The following UNC45B variants were observed in gnomAD, a reference collection of about 807,000 sequenced individuals.
UNC45B encodes unc-45 myosin chaperone B, also known as protein unc-45 homolog B.
In UNC45B, 78 loss-of-function variants were observed where a neutral mutation model predicts 98.7. That is an observed-to-expected ratio of 0.79 (90% confidence interval 0.66 to 0.95). UNC45B has a LOEUF of 0.95. Ranked by LOEUF, UNC45B falls within the 40% of genes least tolerant of loss-of-function variation. The pLI is 0.00. For synonymous variants in UNC45B, 462 were observed against 480.4 expected (o/e 0.96, Z 0.50); for missense variants, 1,225 against 1,184.9 (o/e 1.03, Z -0.50).
At chr17:35,185,050 G>T (rs986084887) in intron 19 of UNC45B, among the ~76,000 whole-genome samples, 8 of 152,188 alleles carry the variant, frequency 5.3e-5, no homozygotes. Flanking sequence ...ACACTTCAGC[G>T]TAGAAACTTT....
chr17:35,155,294 A>C lies in UNC45B; in HGVS notation c.640-2A>C. On this transcript the variant is annotated splice_acceptor_variant, in intron 6 of 19. Coordinates refer to ENST00000394570, the MANE Select transcript of UNC45B (RefSeq NM_001267052.2). LOFTEE classifies it high-confidence loss of function. ...TGACCATGGTTCTTGCTGGGGTTCT[A>C]GGCCACAGTGATTCTGCATGCAGTG... 4 of 1,613,672 alleles carry C rather than the reference A, an allele frequency of 2.5e-6. No individual in the cohort carries two copies. The highest frequency in any genetic ancestry group is 3.4e-6 in the Non-Finnish European group (4 of 1,179,804).
intron 16 of UNC45B, among the ~76,000 whole-genome samples, 160 bp from the exon 17 acceptor site, chr17:35,177,335 T>C (rs2092241807): frequency 6.6e-6 from 1 of 152,144 alleles, no homozygotes. Flanking sequence ...TTATCCTATC[T>C]ATAAAGAAAA....
At chr17:35,170,903 C>T (rs2092180533) in intron 12 of UNC45B, among the ~76,000 whole-genome samples, 1 of 152,096 alleles carries the variant, frequency 6.6e-6, no homozygotes, top group South Asian at 2.1e-4. Context: ...CTCCCAGGCC[C>T]CCCCAGACTC....
intron 4 of UNC45B, chr17:35,151,313 C>T (rs901633845): frequency 1.2e-5 from 2 of 165,830 alleles, no homozygotes; most frequent in Admixed American, 6.5e-5. Context: ...GTGGGTCTTC[C>T]GTACGCCACA....
intron 8 of UNC45B, among the ~76,000 whole-genome samples, chr17:35,163,459 A>T (rs149556276): frequency 1.3e-5 from 2 of 152,302 alleles, no homozygotes; most frequent in Non-Finnish European, 2.9e-5. Context: ...ATGAGAAGAC[A>T]TCATCATCAT....
chr17:35,165,245 T>C (rs182624130), intron 9 of UNC45B, among the ~76,000 whole-genome samples: 60 of 152,334 alleles, frequency 3.9e-4, no homozygotes, highest in Middle Eastern at 3.4e-3. Context: ...GGCCCGGTTC[T>C]TTCAAGACTA....
chr17:35,176,088 G>A (rs371930805), intron 15 of UNC45B, 54 bp downstream of exon 15: 8 of 1,572,682 alleles, frequency 5.1e-6, no homozygotes, highest in Non-Finnish European at 7.0e-6. Flanking sequence ...TCTTTGCCTA[G>A]CGCAAGAATT....
At chr17:35,163,970 A>T in intron 8 of UNC45B, 25 bp from the exon 9 acceptor site, 1 of 1,586,024 alleles carries the variant, frequency 6.3e-7, no homozygotes, top group Non-Finnish European at 8.6e-7. Context: ...CAGGAATCTT[A>T]GGCTTGCCAC....
Position 35,152,756 on chromosome 17 carries a change from G to A in UNC45B, c.382-137G>A, listed in dbSNP as rs28392569. ...CATCGTACTTATCCAGTAAATGTTT[G>A]TCGAATGAATACATGAATGAACGTA... On this transcript the variant is annotated intron_variant, in intron 4 of 19. Transcript: ENST00000394570. The A allele has an allele frequency of 1.7e-3, 1,229 of 741,432 alleles. 16 individuals carry two copies. The African/African-American group carries it at 0.018, about 11-fold the overall frequency. 45.9% of individuals were successfully genotyped at this position (741,432 alleles called of 1,614,324 possible).
intron 17 of UNC45B, 101 bp from the exon 18 acceptor site, chr17:35,180,458 G>A: frequency 1.2e-6 from 1 of 867,854 alleles, no homozygotes; most frequent in Non-Finnish European, 1.9e-6. Flanking sequence ...ATGTGGGAAG[G>A]ACAGCACCAG....
At chr17:35,167,989 C>G (rs1297706957) in intron 9 of UNC45B, 72 bp from the exon 10 acceptor site, 3 of 1,356,774 alleles carry the variant, frequency 2.2e-6, no homozygotes, top group Non-Finnish European at 2.9e-6. Flanking sequence ...CCAAATCCTA[C>G]TGCCTCCAAA....
chr17:35,186,001 A>C (rs1264691592), intron 19 of UNC45B, among the ~76,000 whole-genome samples: 2 of 152,164 alleles, frequency 1.3e-5, no homozygotes, highest in African/African-American at 4.8e-5. Flanking sequence ...GTGTCATAGC[A>C]TGATTTAGAA....
Position 35,174,132 on chromosome 17 carries a change from G to A in UNC45B, c.1831-110G>A. 20 of 1,453,776 alleles carry A rather than the reference G, an allele frequency of 1.4e-5. No homozygotes were observed. The South Asian group carries it at 2.2e-4, about 16-fold the overall frequency. 90.1% of individuals were successfully genotyped at this position (1,453,776 alleles called of 1,614,324 possible). A position where few individuals can be genotyped will look rare whatever the true frequency, so the allele number is the denominator to read the frequency against. On this transcript the variant is annotated intron_variant, in intron 13 of 19. Transcript: ENST00000394570. Reference sequence around the variant, plus strand: ...GGCCAGGCCATGGACATCTTTGGAGGCCATTATTCAACCAACCCCAAGAAT... The same window carrying A: ...GGCCAGGCCATGGACATCTTTGGAGACCATTATTCAACCAACCCCAAGAAT...
At chr17:35,176,119 C>G (rs1042389138) in intron 15 of UNC45B, 85 bp downstream of exon 15, 1 of 1,383,366 alleles carries the variant, frequency 7.2e-7, no homozygotes, top group African/African-American at 1.4e-5. Context: ...TGCCCCAACT[C>G]GACCTCCTGG....
intron 10 of UNC45B, among the ~76,000 whole-genome samples, chr17:35,168,918 G>T (rs1597921174): frequency 6.6e-6 from 1 of 152,280 alleles, no homozygotes; most frequent in East Asian, 1.9e-4. Context: ...TGTTGGCCAG[G>T]CTGGTCCTGA....
At chr17:35,148,582 C>A (rs1427158597) in intron 2 of UNC45B, 151 bp downstream of exon 2, 3 of 901,026 alleles carry the variant, frequency 3.3e-6, no homozygotes, top group Middle Eastern at 3.5e-4. Context: ...AACCCCCTGA[C>A]CCATGCCCCG....
In UNC45B at chr17:35,177,103, T is replaced by A; in HGVS notation, c.2112T>A (p.Asn704Lys). The A allele has an allele frequency of 1.2e-6, 2 of 1,614,166 alleles. No homozygotes were observed. The highest frequency in any genetic ancestry group is 1.7e-6 in the Non-Finnish European group (2 of 1,180,012). Residue 704 changes from asparagine to lysine, a missense_variant, in exon 16 of 20, where the codon AAT becomes AAA. Coordinates refer to ENST00000394570, the MANE Select transcript of UNC45B (RefSeq NM_001267052.2). Reference protein sequence around the residue: ...HALAKIAAVSNPDIAFPGERV... With the variant: ...HALAKIAAVSKPDIAFPGERV... ...TAGCAAAGATCGCTGCTGTCTCCAA[T>A]CCGGACATTGCTTTTCCTGGGGAGC...
At chr17:35,157,681 C>T (rs1321934253) in intron 7 of UNC45B, among the ~76,000 whole-genome samples, 1 of 152,192 alleles carries the variant, frequency 6.6e-6, no homozygotes, top group Non-Finnish European at 1.5e-5. Flanking sequence ...CTCATCAGAT[C>T]TGAATGCTAT....
intron 4 of UNC45B, 46 bp from the exon 5 acceptor site, chr17:35,152,847 C>T (rs1334117748): frequency 6.2e-6 from 9 of 1,458,904 alleles, no homozygotes; most frequent in South Asian, 2.3e-5. Context: ...GCTGAAATGA[C>T]GTGGACCCCA....
Sources: gnomAD v4.1 joint callset for allele counts (sites outside exome capture counted in the v4.1 genomes callset) on GRCh38, gnomAD v4.1.1 for gene constraint, MANE v1.5 for transcripts, NCBI Gene and HGNC (gene_info 2026-07-23, HGNC 2026-07-21) for gene names.